Variants in NEDD4L observed in about 807,000 individuals in gnomAD.
NEDD4L encodes the protein NEDD4 like E3 ubiquitin protein ligase.
Under a neutral mutation model 148.9 loss-of-function variants are expected in NEDD4L, and 54 were observed. That is an observed-to-expected ratio of 0.36 (90% CI 0.29 to 0.45). The LOEUF (loss-of-function observed/expected upper bound fraction) is 0.45. NEDD4L is among the 20% of genes least tolerant of loss of function. NEDD4L has a pLI of 1.00. For synonymous variants in NEDD4L, 433 were observed against 440.7 expected (o/e 0.98, Z 0.22); for missense variants, 856 against 1,233.8 (o/e 0.69, Z 4.59).
At position 58,325,180 on chromosome 18, in the gene NEDD4L, G is replaced by T; in HGVS notation, c.680+18G>T. ...AGCCTGATGTGAGTACCGTGTGATG[G>T]TCAGGAACACGTGCACGTGCACTGC... is the stretch of plus-strand genomic sequence containing the variant. On this transcript the variant is annotated intron_variant, in intron 9 of 30. Coordinates refer to ENST00000400345, the MANE Select transcript of NEDD4L (RefSeq NM_001144967.3). The T allele has an allele frequency of 6.2e-7, 1 of 1,613,258 alleles. No individual in the cohort carries two copies. Among genetic ancestry groups the T allele is most frequent in the Non-Finnish European group, 8.5e-7 (1 of 1,179,724 alleles).
chr18:58,100,989 A>G (rs2084719191), intron 1 of NEDD4L, among the ~76,000 whole-genome samples: 1 of 152,088 alleles, frequency 6.6e-6, no homozygotes, highest in Non-Finnish European at 1.5e-5. Context: ...TATTTTTTGT[A>G]GAGATGAGGT....
intron 24 of NEDD4L, 31 bp from the exon 25 acceptor site, chr18:58,383,215 A>G: frequency 8.9e-7 from 1 of 1,119,478 alleles, no homozygotes; most frequent in Non-Finnish European, 1.3e-6. Context: ...ACTTCGTGAT[A>G]GTAATTGTTG....
intron 5 of NEDD4L, among the ~76,000 whole-genome samples, chr18:58,306,315 A>G (rs1417616710): frequency 6.6e-6 from 1 of 152,198 alleles, no homozygotes; most frequent in Non-Finnish European, 1.5e-5. Context: ...AAGTAAAAGA[A>G]TAAAAACTAT....
chr18:58,390,166 T>C (rs186123434), intron 28 of NEDD4L: 1 of 153,832 alleles, frequency 6.5e-6, no homozygotes, highest in Non-Finnish European at 1.4e-5. Flanking sequence ...ATACACAGAT[T>C]ATTTTAGAAC....
At chr18:58,343,242 C>A in intron 16 of NEDD4L, 139 bp downstream of exon 16, 1 of 276,358 alleles carries the variant, frequency 3.6e-6, no homozygotes, top group Non-Finnish European at 6.9e-6. Flanking sequence ...CCTCAGCCTG[C>A]ATCTGGCCCC....
intron 5 of NEDD4L, among the ~76,000 whole-genome samples, chr18:58,275,648 C>T (rs930448601): frequency 1.3e-4 from 20 of 152,206 alleles, no homozygotes; most frequent in African/African-American, 4.8e-4. Context: ...TGCCCCCTGC[C>T]ATGCCCTGAC....
At chr18:58,085,211 A>G (rs542365392) in intron 1 of NEDD4L, among the ~76,000 whole-genome samples, 30 of 152,306 alleles carry the variant, frequency 2.0e-4, no homozygotes, top group Non-Finnish European at 3.7e-4. Flanking sequence ...AATGAGAACA[A>G]TGGTTATCTG....
Position 58,256,046 on chromosome 18 carries a change from G to T in NEDD4L, c.297+3992G>T. 2 of 1,229,586 alleles carry T rather than the reference G, an allele frequency of 1.6e-6. No individual in the cohort carries two copies. The highest frequency in any genetic ancestry group is 4.1e-5 in the South Asian group (1 of 24,300). 76.2% of individuals were successfully genotyped at this position (1,229,586 alleles called of 1,614,324 possible). A position where few individuals can be genotyped will look rare whatever the true frequency, so the allele number is the denominator to read the frequency against. On this transcript the variant is annotated intron_variant, in intron 5 of 30. Coordinates refer to ENST00000400345, the MANE Select transcript of NEDD4L (RefSeq NM_001144967.3). The surrounding 1 kb of genome is among the most constrained non-coding windows in gnomAD (Gnocchi z 5.2). ...GGCCTCCGCCACTGCCACCACGAGG[G>T]CCTCGCCCCAGAGTGGCTCCCGGGA...
chr18:58,194,959 A>T (rs185250348), intron 2 of NEDD4L, among the ~76,000 whole-genome samples: 31 of 152,360 alleles, frequency 2.0e-4, no homozygotes, highest in Admixed American at 9.1e-4. Context: ...ATAGGACAAG[A>T]AGCTTGCTGG....
In NEDD4L at chr18:58,374,053, T is replaced by C. The variant is rs552767726; in HGVS notation, c.2352+784T>C. Among the ~76,000 whole-genome samples, 31 of 152,328 alleles carry C rather than the reference T, an allele frequency of 2.0e-4. 1 individual carries two copies. Among genetic ancestry groups the C allele is most frequent in the African/African-American group, 7.2e-4 (30 of 41,570 alleles). ...CCTTCAGACTAAATCTCCACGGCTA[T>C]GAAATTAATTAGACCATAGAACTCA... On this transcript the variant is annotated intron_variant, in intron 24 of 30. Transcript: ENST00000400345.
intron 2 of NEDD4L, among the ~76,000 whole-genome samples, chr18:58,166,425 C>G (rs928927060): frequency 6.6e-6 from 1 of 152,120 alleles, no homozygotes; most frequent in Non-Finnish European, 1.5e-5. Flanking sequence ...CCCTTTTGTT[C>G]CTATTGGCTG....
chr18:58,061,304 TA>T lies in NEDD4L; in HGVS notation c.48+16602del, dbSNP rs1323539458. Among the ~76,000 whole-genome samples the T allele has an allele frequency of 4.6e-5, 7 of 152,298 alleles. No individual in the cohort carries two copies. In the East Asian group the frequency reaches 7.7e-4, roughly 17 times the overall value. On this transcript the variant is annotated intron_variant, in intron 1 of 30. Transcript: ENST00000400345. The stretch of plus-strand genomic sequence containing the variant: ...AATATGATTTTTCCTGTTTTTCAGA[TA>T]AAAAACTGAGGCATAGACAGGATGG...
intron 5 of NEDD4L, among the ~76,000 whole-genome samples, chr18:58,262,689 T>C (rs1265399131): frequency 6.6e-5 from 10 of 151,594 alleles, no homozygotes; most frequent in Non-Finnish European, 1.5e-4. Flanking sequence ...GTTGAATGCA[T>C]AATGTTCTCA....
rs1418511765 is a variant in NEDD4L, at chr18:58,193,588, T to C, written c.122+27727T>C. 2.0e-5 allele frequency among the ~76,000 whole-genome samples: 3 copies of C among 152,372 alleles called. No individual in the cohort carries two copies. In the East Asian group the frequency reaches 5.8e-4, roughly 29 times the overall value. ...TAATGAATTTTCCAATTTCTTCTTTTTCCACGGCCTTCACGTCATCTGGTA... is the reference window on the plus strand; with the variant it reads ...TAATGAATTTTCCAATTTCTTCTTTCTCCACGGCCTTCACGTCATCTGGTA... On this transcript the variant is annotated intron_variant, in intron 2 of 30. Coordinates refer to ENST00000400345, the MANE Select transcript of NEDD4L (RefSeq NM_001144967.3).
In NEDD4L at chr18:58,390,701, G is replaced by A; in HGVS notation, c.2711G>A (p.Gly904Glu). ...KRIRLLQFVT[G>E]TSRVPMNGFA... The stretch of plus-strand genomic sequence containing the variant: ...ATCCGGTTACTGCAGTTTGTCACAG[G>A]GACATCGCGAGTACCTATGAATGGA... Residue 904 changes from glycine to glutamate, a missense_variant, in exon 29 of 31, where the codon GGG becomes GAG. By Grantham distance (98) the Gly-to-Glu change is moderately conservative. Around this residue, in one of 4 missense-constraint regions of NEDD4L, gnomAD observed 286 missense variants for 531.8 expected, o/e 0.54. Transcript: ENST00000400345. 6.2e-7 allele frequency: 1 copy of A among 1,600,418 alleles called. No homozygotes were observed. The highest frequency in any genetic ancestry group is 8.5e-7 in the Non-Finnish European group (1 of 1,172,880).
chr18:58,309,696 CAAA>C (rs34644761), intron 5 of NEDD4L, among the ~76,000 whole-genome samples: 2 of 137,282 alleles, frequency 1.5e-5, no homozygotes, highest in Admixed American at 7.4e-5. Context: ...GCTCCTCCTG[CAAA>C]AAAAAAAAAA....
rs547834217 is a variant in NEDD4L at position 58,087,095 on chromosome 18, G to A, written c.48+42387G>A. On this transcript the variant is annotated intron_variant, in intron 1 of 30. Transcript: ENST00000400345. ...ACACCCTTACTTCTTAGGGCCTTTG[G>A]TTTGCCAGAATTGTTCTCTGAGCCA... 2.4e-4 allele frequency among the ~76,000 whole-genome samples: 36 copies of A among 152,312 alleles called. 1 individual carries two copies. The highest frequency in any genetic ancestry group is 2.4e-3 in the Admixed American group (36 of 15,296).
chr18:58,242,837 C>T (rs1477095104), intron 2 of NEDD4L, among the ~76,000 whole-genome samples: 2 of 152,188 alleles, frequency 1.3e-5, no homozygotes, highest in Non-Finnish European at 2.9e-5. Context: ...ATCCTACTGT[C>T]CTGTAGCCAG....
chr18:58,190,974 G>A (rs528524100), intron 2 of NEDD4L, among the ~76,000 whole-genome samples: 2 of 152,250 alleles, frequency 1.3e-5, no homozygotes, highest in African/African-American at 4.8e-5. Context: ...AGCCAGACGT[G>A]GTGGTGTGTG....
Sources: allele counts gnomAD v4.1 joint callset (sites outside exome capture counted in the v4.1 genomes callset), GRCh38; gene constraint gnomAD v4.1.1; regional missense constraint gnomAD v4.1.1; non-coding constraint Gnocchi (gnomAD v3.1); transcripts MANE v1.5; gene names NCBI Gene and HGNC (gene_info 2026-07-23, HGNC 2026-07-21).